Variants in APOO observed in about 807,000 individuals in gnomAD.
APOO encodes the protein apolipoprotein O.
In APOO, 11 loss-of-function variants were observed where a neutral mutation model predicts 23.1. That is an observed-to-expected ratio of 0.48 (90% CI 0.30 to 0.79). The LOEUF is 0.79. APOO is among the 30% of genes least tolerant of loss of function. The pLI, the probability that APOO is intolerant of heterozygous loss-of-function variation, is 0.07. For missense variants in APOO, 160 were observed against 142.7 expected, an observed-to-expected ratio of 1.12 and a Z score of -0.62; for synonymous variants, 59 against 54.8, an observed-to-expected ratio of 1.08 and a Z score of -0.34.
At chrX:23,868,977 C>T (rs760719006) in intron 4 of APOO, among the ~76,000 whole-genome samples, 5 of 104,869 alleles carry the variant, frequency 4.8e-5, no homozygotes, top group African/African-American at 1.8e-4. Flanking sequence ...GGCGTGATCT[C>T]GGCTCACTGC....
At chrX:23,875,449 G>A (rs1237510331) in intron 3 of APOO, among the ~76,000 whole-genome samples, 4 of 96,282 alleles carry the variant, frequency 4.2e-5, no homozygotes, top group Admixed American at 1.2e-4. Context: ...ATAGAGTTTC[G>A]CTTTTGTCGC....
intron 8 of APOO, 76 bp downstream of exon 8, chrX:23,840,237 T>C (rs778467178): frequency 1.8e-6 from 1 of 556,713 alleles, no homozygotes; most frequent in African/African-American, 2.5e-5. Flanking sequence ...TTAATTAAAT[T>C]AAATTAATTA....
chrX:23,875,659 A>G (rs1395841868), intron 3 of APOO, among the ~76,000 whole-genome samples: 1 of 108,634 alleles, frequency 9.2e-6, no homozygotes, highest in African/African-American at 3.3e-5. Flanking sequence ...ACCTCAGGTG[A>G]TCCACCTGCC....
chrX:23,856,642 C>T (rs180934916), intron 6 of APOO, among the ~76,000 whole-genome samples: 25 of 110,161 alleles, frequency 2.3e-4, no homozygotes, highest in African/African-American at 7.9e-4. Context: ...GCAACCTCTG[C>T]CTCCTGGGTT....
intron 7 of APOO, among the ~76,000 whole-genome samples, chrX:23,850,687 G>C (rs1924495003): frequency 9.0e-6 from 1 of 111,422 alleles, no homozygotes; most frequent in Non-Finnish European, 1.9e-5. Flanking sequence ...ATTAGCCAGG[G>C]ATGGTGGCGC....
intron 1 of APOO, among the ~76,000 whole-genome samples, chrX:23,895,636 T>C (rs1362568008): frequency 7.2e-5 from 8 of 110,896 alleles, no homozygotes; most frequent in South Asian, 3.8e-4. Flanking sequence ...CGCACATGTA[T>C]CCCAGGACTT....
At chrX:23,853,173 G>C (rs1015048720) in intron 7 of APOO, among the ~76,000 whole-genome samples, 2 of 111,205 alleles carry the variant, frequency 1.8e-5, no homozygotes, top group African/African-American at 6.5e-5. Context: ...CAGGAGAATG[G>C]CTTGAACCCG....
At chrX:23,899,955 C>T (rs774131649) in intron 1 of APOO, among the ~76,000 whole-genome samples, 20 of 112,099 alleles carry the variant, frequency 1.8e-4, no homozygotes, top group Non-Finnish European at 3.4e-4. Context: ...ATGTCTGGTA[C>T]ATCATCTACT....
chrX:23,875,389 G>A (rs1474370700), intron 3 of APOO, among the ~76,000 whole-genome samples: 2 of 107,552 alleles, frequency 1.9e-5, no homozygotes, highest in South Asian at 4.4e-4. Flanking sequence ...ATTTGGGAAA[G>A]GATTTTTTTT....
intron 1 of APOO, among the ~76,000 whole-genome samples, chrX:23,898,764 C>T (rs953997409): frequency 2.7e-5 from 3 of 111,433 alleles, no homozygotes; most frequent in African/African-American, 9.8e-5. Flanking sequence ...TCTTGGAGCC[C>T]GTATAATCAC....
At chrX:23,853,606 CCGTT>C (rs962124399) in intron 7 of APOO, among the ~76,000 whole-genome samples, 1 of 105,096 alleles carries the variant, frequency 9.5e-6, no homozygotes, top group African/African-American at 3.7e-5. Flanking sequence ...CCGAGCCCGA[CCGTT>C]TTTTTTTTTT....
chrX:23,869,712 G>C, intron 4 of APOO, among the ~76,000 whole-genome samples: 1 of 107,655 alleles, frequency 9.3e-6, no homozygotes, highest in East Asian at 2.9e-4. Context: ...AGCACTTTGG[G>C]AGGCCGAGGA....
At chrX:23,889,961 C>T (rs1031384117) in intron 1 of APOO, among the ~76,000 whole-genome samples, 2 of 111,017 alleles carry the variant, frequency 1.8e-5, no homozygotes, top group South Asian at 3.7e-4. Context: ...GCGCCTGGCC[C>T]ACCTGGGGAA....
chrX:23,865,044 C>T (rs963783845), intron 5 of APOO, among the ~76,000 whole-genome samples: 1 of 111,757 alleles, frequency 8.9e-6, no homozygotes, highest in African/African-American at 3.3e-5. Context: ...GCCCCCACCT[C>T]CATGCCCTAT....
chrX:23,856,574 A>G (rs1439515018), intron 6 of APOO, among the ~76,000 whole-genome samples, 192 bp from the exon 7 acceptor site: 1 of 104,797 alleles, frequency 9.5e-6, no homozygotes, highest in African/African-American at 3.5e-5. Context: ...TTTTTTTGAG[A>G]TGGAGTTTTC....
At chrX:23,884,014 G>A (rs1467910671) in intron 1 of APOO, 2 of 112,435 alleles carry the variant, frequency 1.8e-5, no homozygotes, top group African/African-American at 3.2e-5. Context: ...GTGAAGCCAC[G>A]AAGCTGGGAA....
chrX:23,880,874 G>A lies in APOO; in HGVS notation c.88C>T (p.Pro30Ser), dbSNP rs758122885. 1.3e-5 allele frequency: 15 copies of A among 1,185,904 alleles called. No individual in the cohort carries two copies. Among genetic ancestry groups the A allele is most frequent in the Admixed American group, 7.2e-5 (3 of 41,826 alleles). ...TCAACCTTCACGGAATTTTTGGGAGGTGAGTCCTTTTTTGGTGCTGCATAG... is the reference window on the plus strand; with the variant it reads ...TCAACCTTCACGGAATTTTTGGGAGATGAGTCCTTTTTTGGTGCTGCATAG... ...KVYAAPKKDSPPKNSVKVDEL... is the reference protein window; with the variant it reads ...KVYAAPKKDSSPKNSVKVDEL... Residue 30 changes from proline (P) to serine (S), a missense_variant, in exon 2 of 9, where the codon CCT (proline) becomes TCT (serine). By Grantham distance (74) the Pro-to-Ser change is moderately conservative (BLOSUM62 -1). Coordinates refer to ENST00000379226, the MANE Select transcript of APOO (RefSeq NM_024122.5).
At chrX:23,863,060 A>G (rs193046446) in intron 5 of APOO, among the ~76,000 whole-genome samples, 5 of 112,074 alleles carry the variant, frequency 4.5e-5, no homozygotes, top group Admixed American at 9.4e-5. Flanking sequence ...AAGGCTGGGC[A>G]TGGTGGCTCA....
chrX:23,858,787 A>C (rs1237734804), intron 5 of APOO, 54 bp from the exon 6 acceptor site: 1 of 1,044,506 alleles, frequency 9.6e-7, no homozygotes, highest in East Asian at 3.1e-5. Flanking sequence ...CCTCACCATC[A>C]CAATTTACCT....
Sources: allele counts gnomAD v4.1 joint callset (sites outside exome capture counted in the v4.1 genomes callset), GRCh38; gene constraint gnomAD v4.1.1; transcripts MANE v1.5; gene names NCBI Gene and HGNC (gene_info 2026-07-23, HGNC 2026-07-21).